DEFB123: variants seen among roughly 807,000 people sequenced by gnomAD.
DEFB123 encodes defensin beta 123.
For synonymous variants in DEFB123, 22 were observed against 28.3 expected, an observed-to-expected ratio of 0.78 and a Z score of 0.71; for missense variants, 71 against 75.0, an observed-to-expected ratio of 0.95 and a Z score of 0.20.
At chr20:31,449,928 G>T (rs938687556) in intron 1 of DEFB123, 101 bp from the exon 2 acceptor site, 3 of 1,383,614 alleles carry the variant, frequency 2.2e-6, no homozygotes, top group Non-Finnish European at 2.9e-6. Flanking sequence ...GGAAACAAGG[G>T]ACCTTCTATC....
chr20:31,440,639 T>G lies in DEFB123; in HGVS notation c.-60T>G. ...GCGAGCCACAGGCCAGGCACTCTCC[T>G]TCTCCCATTAGCTCAGCCGTGGCAT... On this transcript the variant is annotated 5_prime_UTR_variant, in exon 1 of 2. Transcript: ENST00000376309. 1 of 1,604,782 alleles carries G rather than the reference T, an allele frequency of 6.2e-7. No homozygotes were observed. The highest frequency in any genetic ancestry group is 1.3e-5 in the African/African-American group (1 of 74,874).
intron 1 of DEFB123, among the ~76,000 whole-genome samples, chr20:31,447,458 A>C (rs146369028): frequency 6.6e-6 from 1 of 150,638 alleles, no homozygotes; most frequent in Non-Finnish European, 1.5e-5. Flanking sequence ...TCAGTGATCA[A>C]TGTTCTCCGT....
chr20:31,442,596 C>CTTTTTTT (rs397865886), intron 1 of DEFB123, among the ~76,000 whole-genome samples: 1 of 105,864 alleles, frequency 9.4e-6, no homozygotes, highest in Non-Finnish European at 1.9e-5. Flanking sequence ...AGGTCATTTG[C>CTTTTTTT]TTTTTTTTTT....
chr20:31,444,427 A>C (rs1211636608), intron 1 of DEFB123, among the ~76,000 whole-genome samples: 4 of 151,878 alleles, frequency 2.6e-5, no homozygotes, highest in African/African-American at 7.3e-5. Context: ...TAGGTGTCTC[A>C]CTCATTTATA....
At chr20:31,447,243 C>A (rs1442835077) in intron 1 of DEFB123, among the ~76,000 whole-genome samples, 1 of 151,914 alleles carries the variant, frequency 6.6e-6, no homozygotes, top group Non-Finnish European at 1.5e-5. Flanking sequence ...GCCTGGGCAA[C>A]AGAGCAAGAC....
chr20:31,447,558 A>G (rs1374036313), intron 1 of DEFB123, among the ~76,000 whole-genome samples: 2 of 151,480 alleles, frequency 1.3e-5, no homozygotes, highest in South Asian at 4.1e-4. Context: ...TATTACTTTA[A>G]AGATCTCTCT....
At chr20:31,448,510 C>T (rs911120125) in intron 1 of DEFB123, among the ~76,000 whole-genome samples, 2 of 148,570 alleles carry the variant, frequency 1.3e-5, no homozygotes, top group African/African-American at 4.9e-5. Context: ...TTGTTATTGT[C>T]CCATGGGTCA....
chr20:31,443,137 T>A (rs1979507218), intron 1 of DEFB123, among the ~76,000 whole-genome samples: 1 of 152,184 alleles, frequency 6.6e-6, no homozygotes. Context: ...CTGCTAGCAC[T>A]TACTACTGGA....
chr20:31,443,661 G>A (rs1030926752), intron 1 of DEFB123, among the ~76,000 whole-genome samples: 2 of 152,170 alleles, frequency 1.3e-5, no homozygotes, highest in African/African-American at 2.4e-5. Flanking sequence ...GGAGACACAC[G>A]AAAGGCCTTT....
At chr20:31,448,538 T>A (rs73116233) in intron 1 of DEFB123, among the ~76,000 whole-genome samples, 1 of 152,040 alleles carries the variant, frequency 6.6e-6, no homozygotes, top group Non-Finnish European at 1.5e-5. Context: ...TCTGCTCTTT[T>A]TTCCCCCCAT....
intron 1 of DEFB123, among the ~76,000 whole-genome samples, chr20:31,449,800 C>T (rs1488549894): frequency 6.7e-6 from 1 of 148,344 alleles, no homozygotes; most frequent in Non-Finnish European, 1.5e-5. Flanking sequence ...AAAGACAATC[C>T]GCACACATAA....
At chr20:31,442,596 CTTTTTTTTTTT>C (rs397865886) in intron 1 of DEFB123, among the ~76,000 whole-genome samples, 1 of 105,868 alleles carries the variant, frequency 9.4e-6, no homozygotes. Context: ...AGGTCATTTG[CTTTTTTTTTTT>C]TTTTTTTTTT....
chr20:31,449,942 T>A (rs951111128), intron 1 of DEFB123, 87 bp from the exon 2 acceptor site: 1 of 1,447,644 alleles, frequency 6.9e-7, no homozygotes, highest in Non-Finnish European at 9.2e-7. Context: ...TTCTATCTCA[T>A]CTGTTTCCAT....
chr20:31,441,709 C>T (rs6119383), intron 1 of DEFB123, among the ~76,000 whole-genome samples: 5,418 of 152,190 alleles, frequency 0.036, 336 homozygotes, highest in African/African-American at 0.12. Context: ...AACCTTTCTA[C>T]AGAGTCAGAA....
chr20:31,450,059 G>C lies in DEFB123; in HGVS notation c.89G>C (p.Gly30Ala). Reference sequence around the variant, plus strand: ...ACCCAAAGATGCTGGAATCTTTATGGCAAATGCCGTTACAGATGCTCCAAG... The same window carrying C: ...ACCCAAAGATGCTGGAATCTTTATGCCAAATGCCGTTACAGATGCTCCAAG... ...GGTQRCWNLY[G>A]KCRYRCSKKE... is the part of the protein sequence containing the mutation. The change falls in exon 2 of 2, where the codon GGC becomes GCC. Residue 30 changes from glycine (G) to alanine (A), a missense_variant. Transcript: ENST00000376309. 6.2e-7 allele frequency: 1 copy of C among 1,611,226 alleles called. No homozygotes were observed. The highest frequency in any genetic ancestry group is 8.5e-7 in the Non-Finnish European group (1 of 1,178,826).
chr20:31,441,783 A>G (rs1434940475), intron 1 of DEFB123, among the ~76,000 whole-genome samples: 1 of 151,910 alleles, frequency 6.6e-6, no homozygotes, highest in African/African-American at 2.4e-5. Context: ...CTAAAACACC[A>G]CTCACCTGGA....
In DEFB123 at chr20:31,440,680, A is replaced by G. The variant is rs761090934; in HGVS notation, c.-19A>G. ...GCCGTGGCATCGGACTTGCAGCTTC[A>G]TTTTGGGCTGCCTTAGCCATGAAGC... is the stretch of plus-strand genomic sequence containing the variant. On this transcript the variant is annotated 5_prime_UTR_variant, in exon 1 of 2. Coordinates refer to ENST00000376309, the MANE Select transcript of DEFB123 (RefSeq NM_153324.4). 1.2e-6 allele frequency: 2 copies of G among 1,613,584 alleles called. No individual in the cohort carries two copies. Among genetic ancestry groups the G allele is most frequent in the Admixed American group, 3.3e-5 (2 of 60,020 alleles).
chr20:31,447,780 CT>C lies in DEFB123; in HGVS notation c.59-2225del, dbSNP rs34763122. On this transcript the variant is annotated intron_variant, in intron 1 of 1. Transcript: ENST00000376309. ...TACAGGTGCACACCAACACACCCGG[CT>C]TTTTTTTTTTTTTTTTTTTTTTTGA... 3.8e-3 allele frequency among the ~76,000 whole-genome samples: 247 copies of C among 64,488 alleles called. 2 individuals are homozygous for C. Among genetic ancestry groups the C allele is most frequent in the Middle Eastern group, 0.045 (2 of 44 alleles). The allele number at this position is 64,488 out of a possible 152,430, so 42.3% of individuals were successfully genotyped here. A position where few individuals can be genotyped will look rare whatever the true frequency, so the allele number is the denominator to read the frequency against.
intron 1 of DEFB123, among the ~76,000 whole-genome samples, chr20:31,446,839 A>G (rs893246219): frequency 6.6e-6 from 1 of 151,734 alleles, no homozygotes; most frequent in Admixed American, 6.6e-5. Flanking sequence ...CTGTTATTTT[A>G]CTTTAAACAA....
Sources: allele counts gnomAD v4.1 joint callset (sites outside exome capture counted in the v4.1 genomes callset), GRCh38; gene constraint gnomAD v4.1.1; transcripts MANE v1.5; gene names NCBI Gene and HGNC (gene_info 2026-07-23, HGNC 2026-07-21).